Variants in MINAR1 observed in about 807,000 individuals in gnomAD.
The protein encoded by MINAR1 is major intrinsically disordered Notch2-binding receptor 1.
In MINAR1, 40 loss-of-function variants were observed where a neutral mutation model predicts 65.1. The observed-to-expected ratio is 0.61, with a 90% CI of 0.48 to 0.80. MINAR1 has a LOEUF of 0.80. MINAR1 is among the 30% of genes least tolerant of loss of function. The pLI, the probability that MINAR1 is intolerant of heterozygous loss-of-function variation, is 0.00. For synonymous variants in MINAR1, 482 were observed against 449.1 expected, an observed-to-expected ratio of 1.07 and a Z score of -0.93; for missense variants, 1,128 against 1,148.0, an observed-to-expected ratio of 0.98 and a Z score of 0.25.
Position 79,456,749 on chromosome 15 carries a change from A to C in MINAR1, c.602A>C (p.Tyr201Ser), listed in dbSNP as rs147845474. ...GACAGGTTGCAGGCCCTGGCTCCGT[A>C]CTCTGTGACCAGCCCTCAGCCCTGT... ...SLDRLQALAP[Y>S]SVTSPQPCEM... The change falls in exon 2 of 4, where the codon TAC becomes TCC. Residue 201 changes from tyrosine (Y) to serine (S), a missense_variant. Coordinates refer to ENST00000305428, the MANE Select transcript of MINAR1 (RefSeq NM_015206.3). The C allele has an allele frequency of 6.2e-7, 1 of 1,613,998 alleles. No homozygotes were observed.
the MINAR1 span, chr15:79,413,355 A>C: frequency 6.6e-6 from 1 of 152,220 alleles, no homozygotes; most frequent in Non-Finnish European, 1.5e-5. Flanking sequence ...TCTGTGATCC[A>C]CCCAATTATT....
chr15:79,443,131 C>T (rs1265705870), intron 1 of MINAR1, among the ~76,000 whole-genome samples: 1 of 152,160 alleles, frequency 6.6e-6, no homozygotes, highest in African/African-American at 2.4e-5. Context: ...CACACAGGGC[C>T]ACACGGGAGC....
chr15:79,466,338 C>CAGAT (rs1178702932), intron 3 of MINAR1, among the ~76,000 whole-genome samples: 2 of 152,112 alleles, frequency 1.3e-5, no homozygotes, highest in Non-Finnish European at 2.9e-5. Flanking sequence ...TGTAAAGGAC[C>CAGAT]AGATAGTAAA....
At chr15:79,465,405 C>A (rs1208827192) in intron 3 of MINAR1, among the ~76,000 whole-genome samples, 2 of 150,810 alleles carry the variant, frequency 1.3e-5, no homozygotes, top group Non-Finnish European at 2.9e-5. Flanking sequence ...AAGGTGCAGA[C>A]CCCGTTCTTC....
Position 79,456,083 on chromosome 15 carries a change from A to G in MINAR1, c.-50-15A>G. On this transcript the variant is annotated splice_polypyrimidine_tract_variant and intron_variant, in intron 1 of 3. Coordinates refer to ENST00000305428, the MANE Select transcript of MINAR1 (RefSeq NM_015206.3). ...TCCTCTTTTCCTCCTCTCTTTCTCA[A>G]TATTGCCACCACAGAACTGACCTGA... 1 of 1,514,304 alleles carries G rather than the reference A, an allele frequency of 6.6e-7. No individual in the cohort carries two copies. The highest frequency in any genetic ancestry group is 9.0e-7 in the Non-Finnish European group (1 of 1,115,724). The allele number at this position is 1,514,304 out of a possible 1,614,324, so 93.8% of individuals were successfully genotyped here.
At chr15:79,428,460 T>C, upstream of MINAR1, among the ~76,000 whole-genome samples, 2 of 117,924 alleles carry the variant, frequency 1.7e-5, no homozygotes, top group African/African-American at 3.2e-5. Flanking sequence ...CCCTCCCTCC[T>C]TCCCTCCCTC....
chr15:79,440,278 T>C (rs1045581757), intron 1 of MINAR1, among the ~76,000 whole-genome samples: 12 of 152,292 alleles, frequency 7.9e-5, no homozygotes, highest in African/African-American at 2.4e-4. Flanking sequence ...GGGGTTTGGC[T>C]TGAGTTTTTG....
At chr15:79,418,382 A>T in the MINAR1 span, 3 of 152,252 alleles carry the variant, frequency 2.0e-5, no homozygotes, top group Non-Finnish European at 4.4e-5. Context: ...ACTGTCTTTT[A>T]AAAACACCGC....
chr15:79,451,667 T>C (rs921719350), intron 1 of MINAR1, among the ~76,000 whole-genome samples: 3 of 152,190 alleles, frequency 2.0e-5, no homozygotes, highest in African/African-American at 7.2e-5. Context: ...CCTGCCGCGC[T>C]GGGCATGGCT....
the MINAR1 span, chr15:79,411,847 C>T: frequency 4.2e-6 from 1 of 236,882 alleles, no homozygotes; most frequent in Non-Finnish European, 8.6e-6. Flanking sequence ...ACAGCCATCC[C>T]TCTAGGCTCG....
chr15:79,441,032 T>C (rs779250959), intron 1 of MINAR1, among the ~76,000 whole-genome samples: 10 of 152,180 alleles, frequency 6.6e-5, no homozygotes, highest in Non-Finnish European at 1.0e-4. Context: ...TATGGATGTC[T>C]CATTTGACCT....
intron 1 of MINAR1, among the ~76,000 whole-genome samples, chr15:79,448,624 GC>G (rs1895089310): frequency 6.6e-6 from 1 of 152,140 alleles, no homozygotes; most frequent in African/African-American, 2.4e-5. Flanking sequence ...GAACATTGTG[GC>G]TGTTATATCT....
rs1394297463 is a variant in MINAR1 at position 79,471,710 on chromosome 15, TG to T, written c.*3327del. 9 of 151,064 alleles carry T rather than the reference TG, an allele frequency of 6.0e-5. No individual in the cohort carries two copies. The highest frequency in any genetic ancestry group is 2.1e-4 in the South Asian group (1 of 4,790). The allele number at this position is 151,064 out of a possible 1,614,324, so 9.4% of individuals were successfully genotyped here. A position where few individuals can be genotyped will look rare whatever the true frequency, so the allele number is the denominator to read the frequency against. On this transcript the variant is annotated 3_prime_UTR_variant, in exon 4 of 4. Transcript: ENST00000305428. ...AGAGCAGTGGCATCACATTTGTTGTTGTTGTTTTTTTTTTTGAAATAGAAAA... is the reference window on the plus strand; with the variant it reads ...AGAGCAGTGGCATCACATTTGTTGTTTTGTTTTTTTTTTTGAAATAGAAAA...
At chr15:79,452,777 G>T (rs1895276754) in intron 1 of MINAR1, among the ~76,000 whole-genome samples, 2 of 150,542 alleles carry the variant, frequency 1.3e-5, no homozygotes, top group Non-Finnish European at 3.0e-5. Context: ...CTGTGTGCGT[G>T]TCTGTGTCTA....
chr15:79,457,477 G>A lies in MINAR1; in HGVS notation c.1330G>A (p.Val444Ile), dbSNP rs1212174352. 1.2e-6 allele frequency: 2 copies of A among 1,614,212 alleles called. No individual in the cohort carries two copies. The highest frequency in any genetic ancestry group is 1.7e-6 in the Non-Finnish European group (2 of 1,180,034). ...GLKSKEISSPVDLEKHEPVKK... is the reference protein window; with the variant it reads ...GLKSKEISSPIDLEKHEPVKK... ...CAAATCTAAAGAGATCTCATCCCCT[G>A]TTGACCTGGAGAAGCATGAACCAGT... The change falls in exon 2 of 4, where the codon GTT becomes ATT. Residue 444 changes from valine (V) to isoleucine (I), a missense_variant. Physicochemically the swap from Val to Ile is conservative, Grantham distance 29 (BLOSUM62 3). Coordinates refer to ENST00000305428, the MANE Select transcript of MINAR1 (RefSeq NM_015206.3).
Position 79,459,989 on chromosome 15 carries a change from G to T in MINAR1, c.2298+1544G>T, listed in dbSNP as rs139854702. On this transcript the variant is annotated intron_variant, in intron 2 of 3. Coordinates refer to ENST00000305428, the MANE Select transcript of MINAR1 (RefSeq NM_015206.3). Reference sequence around the variant, plus strand: ...CAGTGGCCATTTAGAGAACTCAAATGGTTAGGTGCTTCTGTAGAAATATTA... The same window carrying T: ...CAGTGGCCATTTAGAGAACTCAAATTGTTAGGTGCTTCTGTAGAAATATTA... 4.6e-5 allele frequency among the ~76,000 whole-genome samples: 7 copies of T among 152,312 alleles called. No individual in the cohort carries two copies. The South Asian group carries it at 6.2e-4, about 14-fold the overall frequency.
the MINAR1 span, chr15:79,414,874 G>A: frequency 2.0e-5 from 3 of 152,258 alleles, no homozygotes; most frequent in East Asian, 3.9e-4. Flanking sequence ...ACTCCAAGAC[G>A]GGTACAAACC....
At chr15:79,431,500 T>G (rs1445967079), upstream of MINAR1, among the ~76,000 whole-genome samples, 1 of 108,862 alleles carries the variant, frequency 9.2e-6, no homozygotes, top group African/African-American at 4.3e-5. Context: ...AATGAGTGAG[T>G]ATGTGTGTGT....
chr15:79,461,073 C>T (rs778789430), intron 2 of MINAR1, among the ~76,000 whole-genome samples: 7 of 152,222 alleles, frequency 4.6e-5, no homozygotes, highest in Non-Finnish European at 7.3e-5. Flanking sequence ...TGCTGGTCTC[C>T]AGCCCTTAAT....
Sources: allele counts gnomAD v4.1 joint callset (sites outside exome capture counted in the v4.1 genomes callset), GRCh38; gene constraint gnomAD v4.1.1; transcripts MANE v1.5; gene names NCBI Gene and HGNC (gene_info 2026-07-23, HGNC 2026-07-21).